Variants in RIBC2 observed in about 807,000 individuals in gnomAD.
The protein encoded by RIBC2 is RIB43A-like with coiled-coils protein 2.
Under a neutral mutation model 44.3 loss-of-function variants are expected in RIBC2, and 40 were observed. The ratio of observed to expected loss-of-function variants is 0.90; its 90% CI spans 0.70 to 1.18. The LOEUF (loss-of-function observed/expected upper bound fraction) is 1.18, where lower values mean the gene tolerates loss of function less well. Among genes scored for constraint, RIBC2 ranks in the 50% most tolerant of loss-of-function variants. The pLI is 0.00. For synonymous variants in RIBC2, 171 were observed against 175.0 expected (o/e 0.98, Z 0.18); for missense variants, 459 against 485.5 (o/e 0.95, Z 0.51).
intron 6 of RIBC2, 21 bp downstream of exon 6, chr22:45,431,087 G>C: frequency 6.4e-7 from 1 of 1,559,568 alleles, no homozygotes; most frequent in African/African-American, 1.4e-5. Context: ...GGTGGGACCA[G>C]GGCCAGGTGG....
chr22:45,420,783 TG>T (rs2087470137), intron 3 of RIBC2, among the ~76,000 whole-genome samples: 1 of 152,248 alleles, frequency 6.6e-6, no homozygotes, highest in African/African-American at 2.4e-5. Flanking sequence ...GTCACCCTTG[TG>T]ATGCAAGCCA....
intron 2 of RIBC2, among the ~76,000 whole-genome samples, chr22:45,417,271 GT>G (rs1218510093): frequency 6.6e-6 from 1 of 151,980 alleles, no homozygotes; most frequent in African/African-American, 2.4e-5. Flanking sequence ...GGGTTTTGGG[GT>G]TTTTTTAATT....
intron 4 of RIBC2, among the ~76,000 whole-genome samples, chr22:45,424,272 C>G (rs887455062): frequency 6.6e-6 from 1 of 152,172 alleles, no homozygotes; most frequent in African/African-American, 2.4e-5. Flanking sequence ...GCAGGCCGGT[C>G]CAGTTCAACA....
intron 3 of RIBC2, among the ~76,000 whole-genome samples, chr22:45,418,543 G>C (rs758125613): frequency 3.3e-5 from 5 of 152,116 alleles, no homozygotes; most frequent in African/African-American, 1.2e-4. Context: ...GCCTGCACTC[G>C]AGCAGCACTG....
intron 3 of RIBC2, among the ~76,000 whole-genome samples, chr22:45,419,809 G>A (rs1013882831): frequency 2.0e-5 from 3 of 151,830 alleles, no homozygotes; most frequent in South Asian, 2.1e-4. Flanking sequence ...GGCAGATCAC[G>A]AGGTCAGGAG....
chr22:45,414,295 C>T (rs2146869612), intron 1 of RIBC2, 27 bp from the exon 2 acceptor site: 2 of 1,539,774 alleles, frequency 1.3e-6, no homozygotes. Context: ...TGGCTCTAAC[C>T]CTTCTCCTCT....
chr22:45,420,709 C>T (rs2087469469), intron 3 of RIBC2, among the ~76,000 whole-genome samples: 1 of 152,220 alleles, frequency 6.6e-6, no homozygotes, highest in South Asian at 2.1e-4. Context: ...CAGGCCATCT[C>T]TGACTCTTGT....
At chr22:45,432,136 T>TG in intron 6 of RIBC2, 148 bp from the exon 7 acceptor site, 3 of 555,702 alleles carry the variant, frequency 5.4e-6, no homozygotes, top group Non-Finnish European at 6.4e-6. Context: ...TGGATCATTT[T>TG]GGGGGGCTCA....
chr22:45,419,356 C>A (rs940145311), intron 3 of RIBC2, among the ~76,000 whole-genome samples: 1 of 151,952 alleles, frequency 6.6e-6, no homozygotes, highest in African/African-American at 2.4e-5. Context: ...AGGCCCCAGC[C>A]CAGGTAATCT....
chr22:45,418,024 GCAACCCTACAGTTTT>G lies in RIBC2; in HGVS notation c.556+79_556+93del, dbSNP rs1569207607. The G allele has an allele frequency of 2.4e-4, 209 of 859,416 alleles. 5 individuals are homozygous for G. The highest frequency in any genetic ancestry group is 3.4e-4 in the Non-Finnish European group (197 of 587,500). 53.2% of individuals were successfully genotyped at this position (859,416 alleles called of 1,614,324 possible). ...CCCTACAGTTTTTTTTTTTTTTTAA[GCAACCCTACAGTTTT>G]TTTTTTTTTTTAAGCAACCCTACAG... is the stretch of plus-strand genomic sequence containing the variant. On this transcript the variant is annotated intron_variant, in intron 3 of 6. Transcript: ENST00000614167.
At chr22:45,424,349 C>T (rs1436302216) in intron 4 of RIBC2, among the ~76,000 whole-genome samples, 2 of 151,630 alleles carry the variant, frequency 1.3e-5, no homozygotes, top group Non-Finnish European at 2.9e-5. Context: ...GGCATTGTGG[C>T]ATCAGGGTGT....
At chr22:45,431,859 G>T (rs1268586664) in intron 6 of RIBC2, among the ~76,000 whole-genome samples, 4 of 152,210 alleles carry the variant, frequency 2.6e-5, no homozygotes, top group Non-Finnish European at 4.4e-5. Flanking sequence ...TGAAATCCCA[G>T]CTACTGGGGA....
At chr22:45,426,862 T>G (rs1197202831) in intron 5 of RIBC2, among the ~76,000 whole-genome samples, 1 of 152,038 alleles carries the variant, frequency 6.6e-6, no homozygotes, top group African/African-American at 2.4e-5. Flanking sequence ...TGAGCAATGG[T>G]CAGATTCTGG....
rs552760924 is a variant in RIBC2, at chr22:45,414,146, C to T, written c.129+131C>T. On this transcript the variant is annotated intron_variant, in intron 1 of 6. Transcript: ENST00000614167. ...GGCAGCAAACGGCCTCCTGCAGGGC[C>T]AATAATGCTCCCTCTCGAGCTCGCC... The T allele has an allele frequency of 3.5e-5, 52 of 1,478,786 alleles. 2 individuals are homozygous for T. The South Asian group carries it at 6.7e-4, about 19-fold the overall frequency. 91.6% of individuals were successfully genotyped at this position (1,478,786 alleles called of 1,614,324 possible).
intron 5 of RIBC2, 101 bp downstream of exon 5, chr22:45,426,276 C>A: frequency 9.7e-7 from 1 of 1,032,518 alleles, no homozygotes; most frequent in Non-Finnish European, 1.4e-6. Context: ...TGTGCTCTGC[C>A]CTAGCACCTG....
At chr22:45,416,270 T>C (rs2087423912) in intron 2 of RIBC2, among the ~76,000 whole-genome samples, 1 of 152,218 alleles carries the variant, frequency 6.6e-6, no homozygotes, top group Non-Finnish European at 1.5e-5. Flanking sequence ...TTAGATTTTT[T>C]TTTTTCAGTT....
intron 6 of RIBC2, among the ~76,000 whole-genome samples, chr22:45,431,371 T>C (rs1317840105): frequency 6.6e-6 from 1 of 152,092 alleles, no homozygotes; most frequent in Non-Finnish European, 1.5e-5. Flanking sequence ...AGGAGGAGGA[T>C]GGCACTGCCT....
In RIBC2 at chr22:45,414,420, T is replaced by G; in HGVS notation, c.211+17T>G. On this transcript the variant is annotated intron_variant, in intron 2 of 6. Transcript: ENST00000614167. ...AAACCTTTGGTGAGCATTTCCTGAA[T>G]GCTTATCTATTGGTTTAGGATTGTG... is the stretch of plus-strand genomic sequence containing the variant. The G allele has an allele frequency of 6.6e-7, 1 of 1,520,004 alleles. No individual in the cohort carries two copies. Among genetic ancestry groups the G allele is most frequent in the Non-Finnish European group, 8.9e-7 (1 of 1,119,814 alleles). The allele number at this position is 1,520,004 out of a possible 1,614,324, so 94.2% of individuals were successfully genotyped here.
At position 45,417,795 on chromosome 22, in the gene RIBC2, T is replaced by C. The variant is rs775729656; in HGVS notation, c.405T>C (p.Asp135=). The part of the protein sequence containing the change: ...KDLPARQSDN[D]VRNTISGMQK... ...TTCCAGCCCGGCAGTCAGATAATGA[T>C]GTTCGGAATACGATATCAGGAATGC... The change falls in exon 3 of 7, where the codon GAT becomes GAC. Residue 135 remains aspartate (D), a synonymous_variant. Transcript: ENST00000614167. The C allele has an allele frequency of 5.0e-6, 8 of 1,613,974 alleles. No individual in the cohort carries two copies. The East Asian group carries it at 6.7e-5, about 13-fold the overall frequency.
Sources: allele counts gnomAD v4.1 joint callset (sites outside exome capture counted in the v4.1 genomes callset), GRCh38; gene constraint gnomAD v4.1.1; transcripts MANE v1.5; gene names NCBI Gene and HGNC (gene_info 2026-07-23, HGNC 2026-07-21).